PGBD5: variants seen among roughly 807,000 people sequenced by gnomAD.
The protein encoded by PGBD5 is piggyBac transposable element derived 5, also known as piggyBac transposable element-derived protein 5.
Under a neutral mutation model 47.9 loss-of-function variants are expected in PGBD5, and 14 were observed. The observed-to-expected ratio is 0.29, with a 90% confidence interval of 0.19 to 0.46. PGBD5 has a LOEUF of 0.46. Ranked by LOEUF, PGBD5 falls within the 20% of genes least tolerant of loss-of-function variation. PGBD5 has a pLI of 1.00. For synonymous variants in PGBD5, 316 were observed against 306.3 expected (o/e 1.03, Z -0.33); for missense variants, 635 against 716.0 (o/e 0.89, Z 1.29).
At chr1:230,409,497 A>C (rs1657370032) in intron 1 of PGBD5, among the ~76,000 whole-genome samples, 1 of 152,244 alleles carries the variant, frequency 6.6e-6, no homozygotes, top group Admixed American at 6.5e-5. Flanking sequence ...ATATACACTC[A>C]ATGGAATATT....
At chr1:230,389,130 T>C (rs539752849) in intron 1 of PGBD5, among the ~76,000 whole-genome samples, 2 of 152,022 alleles carry the variant, frequency 1.3e-5, no homozygotes, top group Non-Finnish European at 2.9e-5. Context: ...TCTGCTATGA[T>C]GCAAAACCCT....
At chr1:230,424,884 A>AC (rs948173505) in intron 1 of PGBD5, among the ~76,000 whole-genome samples, 1 of 152,202 alleles carries the variant, frequency 6.6e-6, no homozygotes, top group African/African-American at 2.4e-5. Flanking sequence ...AGCTGCCAGC[A>AC]CCCTAGCCAC....
At chr1:230,392,428 C>A (rs2102733426) in intron 1 of PGBD5, among the ~76,000 whole-genome samples, 1 of 152,298 alleles carries the variant, frequency 6.6e-6, no homozygotes, top group South Asian at 2.1e-4. Flanking sequence ...GACAGGCCTG[C>A]TTGACAGGAA....
intron 3 of PGBD5, among the ~76,000 whole-genome samples, chr1:230,347,687 A>C (rs1558195746): frequency 6.6e-6 from 1 of 151,726 alleles, no homozygotes; most frequent in Non-Finnish European, 1.5e-5. Flanking sequence ...TCTATGCATA[A>C]TTTGGGCTCT....
At chr1:230,347,436 C>T (rs1246065869) in intron 3 of PGBD5, among the ~76,000 whole-genome samples, 3 of 151,980 alleles carry the variant, frequency 2.0e-5, no homozygotes, top group Non-Finnish European at 4.4e-5. Flanking sequence ...GGCAGAATTC[C>T]CTTTTTCTCG....
chr1:230,400,220 A>G (rs270853), intron 1 of PGBD5, among the ~76,000 whole-genome samples: 36,570 of 151,988 alleles, frequency 0.24, 5,810 homozygotes, highest in Non-Finnish European at 0.35. Flanking sequence ...AGGGATCTCC[A>G]CTTGCCAGAA....
intron 1 of PGBD5, among the ~76,000 whole-genome samples, chr1:230,397,412 T>C (rs772252962): frequency 6.6e-5 from 10 of 152,208 alleles, no homozygotes; most frequent in Non-Finnish European, 1.0e-4. Flanking sequence ...GCAAAACCAA[T>C]ACAGAATCAA....
At chr1:230,329,806 T>C (rs143126023) in intron 5 of PGBD5, among the ~76,000 whole-genome samples, 64 of 152,326 alleles carry the variant, frequency 4.2e-4, no homozygotes, top group African/African-American at 1.4e-3. Flanking sequence ...GCCCACTTGA[T>C]GCCATGCGTC....
At chr1:230,333,272 T>C (rs1667251954) in intron 4 of PGBD5, among the ~76,000 whole-genome samples, 1 of 151,994 alleles carries the variant, frequency 6.6e-6, no homozygotes, top group Non-Finnish European at 1.5e-5. Context: ...CCTAAGAACA[T>C]ACAGTATGCT....
intron 1 of PGBD5, among the ~76,000 whole-genome samples, chr1:230,404,636 A>G: frequency 7.0e-6 from 1 of 143,424 alleles, no homozygotes; most frequent in East Asian, 2.0e-4. Context: ...AAAAATATAT[A>G]TATATATATA....
At chr1:230,362,225 T>G (rs760948255) in intron 1 of PGBD5, 1 of 1,344,984 alleles carries the variant, frequency 7.4e-7, no homozygotes, top group Non-Finnish European at 9.9e-7. Context: ...GTTCCCCAAA[T>G]CAGGTGAGAC....
At chr1:230,399,660 T>C (rs958287630) in intron 1 of PGBD5, among the ~76,000 whole-genome samples, 5 of 151,636 alleles carry the variant, frequency 3.3e-5, no homozygotes, top group African/African-American at 1.2e-4. Context: ...GTCGTGACCA[T>C]AGGAATGTGC....
At position 230,332,721 on chromosome 1, in the gene PGBD5, G is replaced by A. The variant is rs2102815390; in HGVS notation, c.1273+123C>T. ...GCCCCAGATGCTGGGGAATAACCGA[G>A]GGTAGTCTGACCCCAGAGCAGCACA... On this transcript the variant is annotated intron_variant, in intron 5 of 6. Transcript: ENST00000391860. 2.7e-6 allele frequency: 3 copies of A among 1,128,982 alleles called. No individual in the cohort carries two copies. In the East Asian group the frequency reaches 7.2e-5, roughly 27 times the overall value. The allele number at this position is 1,128,982 out of a possible 1,614,324, so 69.9% of individuals were successfully genotyped here.
Position 230,326,537 on chromosome 1 carries a change from C to G in PGBD5, c.1274-1122G>C, listed in dbSNP as rs955172042. Among the ~76,000 whole-genome samples, 7 of 152,312 alleles carry G rather than the reference C, an allele frequency of 4.6e-5. No individual in the cohort carries two copies. In the South Asian group the frequency reaches 8.3e-4, roughly 18 times the overall value. ...GCAGTGTCATGATCATAGCTCACTG[C>G]AGCCTAAAATTCCTGGGCTCAAGGG... On this transcript the variant is annotated intron_variant, in intron 5 of 6. Transcript: ENST00000391860.
At chr1:230,325,466 C>T (rs372276147) in intron 5 of PGBD5, 51 bp from the exon 6 acceptor site, 3 of 1,312,598 alleles carry the variant, frequency 2.3e-6, no homozygotes, top group Non-Finnish European at 2.2e-6. Context: ...CCTCCTAATG[C>T]CACTTTATAA....
intron 1 of PGBD5, among the ~76,000 whole-genome samples, chr1:230,371,868 C>T (rs568956320): frequency 6.6e-6 from 1 of 152,162 alleles, no homozygotes; most frequent in Non-Finnish European, 1.5e-5. Flanking sequence ...GCTGCCCTAC[C>T]GCGGAAGCTC....
intron 1 of PGBD5, among the ~76,000 whole-genome samples, chr1:230,381,484 C>A (rs1656490625): frequency 1.3e-5 from 2 of 152,224 alleles, no homozygotes; most frequent in Non-Finnish European, 2.9e-5. Context: ...CTGCAGTGGA[C>A]CAGTTGTGCA....
intron 1 of PGBD5, among the ~76,000 whole-genome samples, chr1:230,404,674 G>A (rs955125155): frequency 6.8e-6 from 1 of 148,136 alleles, no homozygotes; most frequent in Non-Finnish European, 1.5e-5. Flanking sequence ...GCTTACGCCT[G>A]TAATCCCAGC....
rs140378120 is a variant in PGBD5, at chr1:230,330,102, T to C, written c.1273+2742A>G. 1.8e-4 allele frequency among the ~76,000 whole-genome samples: 27 copies of C among 152,108 alleles called. No individual in the cohort carries two copies. In the East Asian group the frequency reaches 4.8e-3, roughly 27 times the overall value. On this transcript the variant is annotated intron_variant, in intron 5 of 6. Transcript: ENST00000391860. ...CGTGACAAATATCTCAAAAGGAAAA[T>C]TGTAAGGAACATAAAAAAAATCACT...
Sources: allele counts gnomAD v4.1 joint callset (sites outside exome capture counted in the v4.1 genomes callset), GRCh38; gene constraint gnomAD v4.1.1; transcripts MANE v1.5; gene names NCBI Gene and HGNC (gene_info 2026-07-23, HGNC 2026-07-21).